ADCY1: variants seen among roughly 807,000 people sequenced by gnomAD.
ADCY1 encodes adenylate cyclase 1, also known as adenylate cyclase type 1.
A neutral mutation model predicts 105.4 loss-of-function variants in ADCY1; 28 were observed. That is an observed-to-expected ratio of 0.27 (90% CI 0.20 to 0.36). The LOEUF (loss-of-function observed/expected upper bound fraction) is 0.36. Ranked by LOEUF, ADCY1 falls within the 10% of genes least tolerant of loss-of-function variation. The probability of loss-of-function intolerance (pLI) is 1.00; values close to 1 mark genes in which losing one functional copy is unlikely to be tolerated. For missense variants in ADCY1, 977 were observed against 1,434.2 expected, an observed-to-expected ratio of 0.68 and a Z score of 5.15; for synonymous variants, 655 against 623.8, an observed-to-expected ratio of 1.05 and a Z score of -0.75.
At chr7:45,673,354 G>T (rs938042132) in intron 8 of ADCY1, among the ~76,000 whole-genome samples, 4 of 152,054 alleles carry the variant, frequency 2.6e-5, no homozygotes, top group African/African-American at 9.7e-5. Context: ...GGTTAAAACT[G>T]GTGTTAATTC....
At chr7:45,598,249 G>A (rs781290069) in intron 2 of ADCY1, among the ~76,000 whole-genome samples, 3 of 152,162 alleles carry the variant, frequency 2.0e-5, no homozygotes, top group Non-Finnish European at 2.9e-5. Flanking sequence ...GGGTGAGCCC[G>A]GGATCTTCCA....
chr7:45,712,232 A>AACAT (rs202134068), intron 19 of ADCY1, among the ~76,000 whole-genome samples: 6 of 141,876 alleles, frequency 4.2e-5, no homozygotes, highest in Non-Finnish European at 7.5e-5. Context: ...TAAATATATA[A>AACAT]ATATATATAT....
chr7:45,680,701 A>G (rs185974583), intron 11 of ADCY1: 6 of 152,338 alleles, frequency 3.9e-5, no homozygotes, highest in African/African-American at 1.4e-4. Flanking sequence ...TGGTTTGACA[A>G]ATTTTAAAAT....
rs934946229 is a variant in ADCY1, at chr7:45,712,604, G to T, written c.3058-1089G>T. 1.3e-4 allele frequency among the ~76,000 whole-genome samples: 19 copies of T among 151,952 alleles called. 1 individual carries two copies. The highest frequency in any genetic ancestry group is 4.4e-5 in the Non-Finnish European group (3 of 68,002). On this transcript the variant is annotated intron_variant, in intron 19 of 19. Coordinates refer to ENST00000297323, the MANE Select transcript of ADCY1 (RefSeq NM_021116.4). ...CTACCACCCCTGCCACACTGACGGG[G>T]GCCAGCCTCCCCAACTCTGGGTATT...
chr7:45,628,448 A>G (rs757200953), intron 4 of ADCY1, among the ~76,000 whole-genome samples: 1 of 152,140 alleles, frequency 6.6e-6, no homozygotes, highest in Non-Finnish European at 1.5e-5. Flanking sequence ...ACAGCAGGGA[A>G]AGTGTTTCCC....
intron 6 of ADCY1, among the ~76,000 whole-genome samples, chr7:45,658,839 C>CG (rs1034151616): frequency 5.3e-5 from 8 of 152,146 alleles, no homozygotes; most frequent in African/African-American, 9.7e-5. Flanking sequence ...AGGGCCCCTC[C>CG]GGGGGGGCAG....
chr7:45,579,651 T>G (rs750334644), intron 1 of ADCY1, among the ~76,000 whole-genome samples: 29 of 152,046 alleles, frequency 1.9e-4, no homozygotes, highest in Non-Finnish European at 3.8e-4. Context: ...AGAGGTGGGG[T>G]GCTCCTCCTG....
Position 45,696,300 on chromosome 7 carries a change from A to G in ADCY1, c.2455-7076A>G, listed in dbSNP as rs1384209464. ...AAAAAATACAAAAAATTAGCCTGGC[A>G]TGGTGGCAGGCACCTGTGGTCCCAG... On this transcript the variant is annotated intron_variant, in intron 14 of 19. Transcript: ENST00000297323. 3.3e-5 allele frequency among the ~76,000 whole-genome samples: 5 copies of G among 152,126 alleles called. No homozygotes were observed. In the East Asian group the frequency reaches 9.7e-4, roughly 30 times the overall value.
intron 1 of ADCY1, among the ~76,000 whole-genome samples, chr7:45,577,116 T>C (rs1408330949): frequency 1.3e-5 from 2 of 152,030 alleles, no homozygotes; most frequent in Non-Finnish European, 2.9e-5. Flanking sequence ...GGAGCAAGGA[T>C]TCTTAGGGAG....
At chr7:45,587,912 GT>G (rs1412481128) in intron 1 of ADCY1, among the ~76,000 whole-genome samples, 1 of 152,256 alleles carries the variant, frequency 6.6e-6, no homozygotes, top group Admixed American at 6.5e-5. Context: ...CTCCGTAAAG[GT>G]TTTCTCTTTA....
chr7:45,616,430 C>T (rs1487085246), intron 3 of ADCY1, among the ~76,000 whole-genome samples: 1 of 152,186 alleles, frequency 6.6e-6, no homozygotes, highest in Non-Finnish European at 1.5e-5. Context: ...AAGATACTAT[C>T]AAATGCATCC....
At chr7:45,687,583 G>A (rs901767061) in intron 14 of ADCY1, among the ~76,000 whole-genome samples, 6 of 152,234 alleles carry the variant, frequency 3.9e-5, no homozygotes, top group African/African-American at 7.2e-5. Context: ...CCTGAAAACC[G>A]GGAATGAAGG....
intron 17 of ADCY1, among the ~76,000 whole-genome samples, chr7:45,707,829 C>T (rs2116271573): frequency 6.6e-6 from 1 of 152,218 alleles, no homozygotes; most frequent in East Asian, 1.9e-4. Flanking sequence ...AAAATAAAGT[C>T]TGTTAATTTT....
Position 45,703,844 on chromosome 7 carries a change from G to A in ADCY1, c.2718+98G>A, listed in dbSNP as rs967552564. 1 of 1,452,664 alleles carries A rather than the reference G, an allele frequency of 6.9e-7. No homozygotes were observed. Among genetic ancestry groups the A allele is most frequent in the East Asian group, 2.3e-5 (1 of 43,226 alleles). 90.0% of individuals were successfully genotyped at this position (1,452,664 alleles called of 1,614,324 possible). The stretch of plus-strand genomic sequence containing the variant: ...CTCACAATATGTCACATTCTTCGTA[G>A]CTGGAATGAGAGAAAGCAAATCCCG... On this transcript the variant is annotated intron_variant, in intron 16 of 19. Coordinates refer to ENST00000297323, the MANE Select transcript of ADCY1 (RefSeq NM_021116.4). The surrounding 1 kb of genome is among the most constrained non-coding windows in gnomAD (Gnocchi z 5.9).
intron 4 of ADCY1, 95 bp downstream of exon 4, chr7:45,622,838 A>G: frequency 3.2e-6 from 3 of 929,028 alleles, no homozygotes; most frequent in South Asian, 1.5e-5. Context: ...ACCATGAACT[A>G]GACTGATTGC....
chr7:45,577,774 C>T (rs1298150198), intron 1 of ADCY1, among the ~76,000 whole-genome samples: 2 of 152,236 alleles, frequency 1.3e-5, no homozygotes, highest in East Asian at 1.9e-4. Flanking sequence ...CCACAGTGAT[C>T]TCCTGGTGCT....
intron 1 of ADCY1, among the ~76,000 whole-genome samples, chr7:45,587,805 C>T (rs993309744): frequency 2.0e-5 from 3 of 152,098 alleles, no homozygotes; most frequent in Non-Finnish European, 4.4e-5. Flanking sequence ...GAGGACATGC[C>T]CTCACTGCAT....
intron 3 of ADCY1, among the ~76,000 whole-genome samples, chr7:45,614,455 G>A (rs1793680853): frequency 6.6e-6 from 1 of 151,988 alleles, no homozygotes; most frequent in South Asian, 2.1e-4. Context: ...ATAACACAAA[G>A]GAATGCAGAA....
intron 7 of ADCY1, among the ~76,000 whole-genome samples, chr7:45,660,495 G>T (rs115219728): frequency 6.6e-6 from 1 of 152,216 alleles, no homozygotes; most frequent in Non-Finnish European, 1.5e-5. Context: ...ATGAAACCCC[G>T]CAGGGGGGCC....
Sources: gnomAD v4.1 joint callset for allele counts (sites outside exome capture counted in the v4.1 genomes callset) on GRCh38, gnomAD v4.1.1 for gene constraint, Gnocchi (gnomAD v3.1) non-coding constraint, MANE v1.5 for transcripts, NCBI Gene and HGNC (gene_info 2026-07-23, HGNC 2026-07-21) for gene names.